The following SLC12A2 variants were observed in gnomAD, a reference collection of about 807,000 sequenced individuals.
SLC12A2 encodes solute carrier family 12 member 2.
Under a neutral mutation model 136.3 loss-of-function variants are expected in SLC12A2, and 67 were observed. The ratio of observed to expected loss-of-function variants is 0.49; its 90% CI spans 0.40 to 0.60. The LOEUF (loss-of-function observed/expected upper bound fraction) is 0.60. SLC12A2 is among the 20% of genes least tolerant of loss of function. SLC12A2 has a pLI of 0.00. For synonymous variants in SLC12A2, 619 were observed against 562.9 expected, an observed-to-expected ratio of 1.10 and a Z score of -1.41; for missense variants, 1,322 against 1,534.7, an observed-to-expected ratio of 0.86 and a Z score of 2.32.
At position 128,167,942 on chromosome 5, in the gene SLC12A2, A is replaced by T. The variant is rs1763253042; in HGVS notation, c.2723+75A>T. 4.9e-6 allele frequency: 4 copies of T among 814,856 alleles called. No homozygotes were observed. In the African/African-American group the frequency reaches 7.2e-5, roughly 15 times the overall value. 50.5% of individuals were successfully genotyped at this position (814,856 alleles called of 1,614,324 possible). ...TTTGAAAGCTTGTCCTAATTTTTGG[A>T]GACTGTTTCTCATATAGTCTCTTGT... On this transcript the variant is annotated intron_variant, in intron 18 of 26. Transcript: ENST00000262461.
chr5:128,111,534 G>T (rs888656563), intron 1 of SLC12A2, among the ~76,000 whole-genome samples: 1 of 152,086 alleles, frequency 6.6e-6, no homozygotes, highest in Non-Finnish European at 1.5e-5. Context: ...GAGAGGCCAA[G>T]GCGGGCAGAT....
chr5:128,133,952 T>G (rs1762105936), intron 5 of SLC12A2, among the ~76,000 whole-genome samples: 1 of 152,072 alleles, frequency 6.6e-6, no homozygotes, highest in African/African-American at 2.4e-5. Flanking sequence ...GCATTAATAA[T>G]CATACATTTA....
rs762407410 is a variant in SLC12A2, at chr5:128,161,761, T to C, written c.2577T>C (p.His859=). 2 of 1,509,758 alleles carry C rather than the reference T, an allele frequency of 1.3e-6. No individual in the cohort carries two copies. Among genetic ancestry groups the C allele is most frequent in the African/African-American group, 1.4e-5 (1 of 69,804 alleles). 93.5% of individuals were successfully genotyped at this position (1,509,758 alleles called of 1,614,324 possible). ...NKMKAFYAPV[H]ADDLREGAQY... is the part of the protein sequence containing the mutation. ...TGAAGGCATTTTATGCTCCAGTACA[T>C]GCAGATGACTTGAGAGAAGGTGCAC... The change falls in exon 17 of 27, where the codon CAT becomes CAC. Residue 859 remains histidine (H), a synonymous_variant. Coordinates refer to ENST00000262461, the MANE Select transcript of SLC12A2 (RefSeq NM_001046.3).
At chr5:128,179,836 C>G (rs926405350) in intron 22 of SLC12A2, among the ~76,000 whole-genome samples, 1 of 151,734 alleles carries the variant, frequency 6.6e-6, no homozygotes. Context: ...CCGAACTATT[C>G]CAGGATATAA....
chr5:128,084,493 G>T lies in SLC12A2; in HGVS notation c.539G>T (p.Ser180Ile), dbSNP rs1223524044. The T allele has an allele frequency of 1.9e-6, 3 of 1,611,920 alleles. No individual in the cohort carries two copies. The highest frequency in any genetic ancestry group is 2.5e-6 in the Non-Finnish European group (3 of 1,179,594). ...CAGAACGGCGGGGACACGGTGCTGA[G>T]CGAGGGCAGCAGCCTGCACTCCGGC... The part of the protein sequence containing the change: ...SFQNGGDTVL[S>I]EGSSLHSGGG... Residue 180 changes from serine to isoleucine, a missense_variant, in exon 1 of 27, where the codon AGC becomes ATC. Around this residue, in one of 8 missense-constraint regions of SLC12A2, gnomAD observed 358 missense variants for 299.7 expected, o/e 1.19. Transcript: ENST00000262461. This position sits in a 1 kb window ranked among gnomAD's most constrained non-coding sequence, Gnocchi z 5.6.
intron 4 of SLC12A2, among the ~76,000 whole-genome samples, chr5:128,128,237 T>G (rs1178275073): frequency 6.6e-6 from 1 of 152,184 alleles, no homozygotes; most frequent in Non-Finnish European, 1.5e-5. Flanking sequence ...GTTAGGCTTT[T>G]GATTAGCCTA....
At chr5:128,181,342 T>C (rs1763701541) in intron 23 of SLC12A2, among the ~76,000 whole-genome samples, 1 of 152,212 alleles carries the variant, frequency 6.6e-6, no homozygotes, top group African/African-American at 2.4e-5. Context: ...TGTAGACTTC[T>C]AGACAACAAA....
At chr5:128,124,086 G>T (rs1761688044) in intron 4 of SLC12A2, among the ~76,000 whole-genome samples, 1 of 152,124 alleles carries the variant, frequency 6.6e-6, no homozygotes, top group African/African-American at 2.4e-5. Context: ...ACCCTACAGT[G>T]TGAGTCTATT....
intron 1 of SLC12A2, among the ~76,000 whole-genome samples, chr5:128,091,089 A>C (rs1204841184): frequency 6.6e-6 from 1 of 152,242 alleles, no homozygotes; most frequent in African/African-American, 2.4e-5. Flanking sequence ...CAATGGTTCC[A>C]TTAAGATGAT....
chr5:128,161,613 G>A, intron 16 of SLC12A2, 47 bp from the exon 17 acceptor site: 3 of 1,199,848 alleles, frequency 2.5e-6, no homozygotes, highest in Non-Finnish European at 3.2e-6. Flanking sequence ...TAAATGTGAA[G>A]TTGCTTACCT....
chr5:128,174,125 T>C (rs1763467438), intron 19 of SLC12A2, among the ~76,000 whole-genome samples: 1 of 152,190 alleles, frequency 6.6e-6, no homozygotes, highest in South Asian at 2.1e-4. Context: ...TCATTACTGA[T>C]TCTCCAGCTC....
intron 1 of SLC12A2, among the ~76,000 whole-genome samples, chr5:128,098,201 T>C (rs970389738): frequency 1.3e-5 from 2 of 152,148 alleles, no homozygotes; most frequent in African/African-American, 2.4e-5. Context: ...TTTTTCACTC[T>C]TCCTTCTTCT....
chr5:128,089,254 G>C (rs1355592121), intron 1 of SLC12A2, among the ~76,000 whole-genome samples: 1 of 152,072 alleles, frequency 6.6e-6, no homozygotes, highest in Non-Finnish European at 1.5e-5. Context: ...CAGGCACCAT[G>C]GTAGGAGCCT....
At chr5:128,147,576 ATTGT>A in intron 10 of SLC12A2, 42 bp from the exon 11 acceptor site, 1 of 1,220,272 alleles carries the variant, frequency 8.2e-7, no homozygotes, top group Non-Finnish European at 1.2e-6. Context: ...TATTTTCTGA[ATTGT>A]TTGTGAGATT....
intron 4 of SLC12A2, 131 bp from the exon 5 acceptor site, chr5:128,130,936 C>T (rs886966103): frequency 9.6e-6 from 7 of 732,978 alleles, no homozygotes; most frequent in Non-Finnish European, 1.6e-5. Flanking sequence ...TACAGTCACT[C>T]ACTTGCCTCT....
At chr5:128,113,473 A>C (rs1474279080) in intron 2 of SLC12A2, among the ~76,000 whole-genome samples, 3 of 152,224 alleles carry the variant, frequency 2.0e-5, no homozygotes, top group Non-Finnish European at 4.4e-5. Context: ...TGTTTGAATA[A>C]GCACTAAGGA....
chr5:128,176,979 ATTAT>A (rs962750801), intron 20 of SLC12A2, 122 bp from the exon 21 acceptor site: 14 of 542,484 alleles, frequency 2.6e-5, no homozygotes, highest in Non-Finnish European at 4.0e-5. Flanking sequence ...TTCAGTCTTG[ATTAT>A]TTTTCAGTGG....
chr5:128,183,206 C>T (rs1202422464), intron 24 of SLC12A2, among the ~76,000 whole-genome samples: 2 of 152,016 alleles, frequency 1.3e-5, no homozygotes, highest in African/African-American at 4.8e-5. Flanking sequence ...TGCCTACAGT[C>T]GTTATAACCA....
At chr5:128,125,604 T>C (rs1317342342) in intron 4 of SLC12A2, among the ~76,000 whole-genome samples, 4 of 152,212 alleles carry the variant, frequency 2.6e-5, no homozygotes, top group Non-Finnish European at 5.9e-5. Flanking sequence ...TGGCTTGTCT[T>C]ACCATTTTTA....
Sources: allele counts gnomAD v4.1 joint callset (sites outside exome capture counted in the v4.1 genomes callset), GRCh38; gene constraint gnomAD v4.1.1; regional missense constraint gnomAD v4.1.1; non-coding constraint Gnocchi (gnomAD v3.1); transcripts MANE v1.5; gene names NCBI Gene and HGNC (gene_info 2026-07-23, HGNC 2026-07-21).